KCNC2: variants seen among roughly 807,000 people sequenced by gnomAD.
The protein encoded by KCNC2 is voltage-gated potassium channel KCNC2.
A neutral mutation model predicts 44.5 loss-of-function variants in KCNC2; 21 were observed. The observed-to-expected ratio is 0.47, with a 90% CI of 0.33 to 0.68. The LOEUF (loss-of-function observed/expected upper bound fraction) is 0.68. KCNC2 is among the 30% of genes least tolerant of loss of function. KCNC2 has a pLI of 0.01. For missense variants in KCNC2, 589 were observed against 826.2 expected (o/e 0.71, Z 3.52); for synonymous variants, 391 against 339.1 (o/e 1.15, Z -1.68).
intron 2 of KCNC2, among the ~76,000 whole-genome samples, chr12:75,149,836 T>G (rs1209350714): frequency 6.6e-6 from 1 of 151,872 alleles, no homozygotes; most frequent in Admixed American, 6.6e-5. Context: ...ATCTTCTTAC[T>G]CAAATCTTGG....
intron 2 of KCNC2, among the ~76,000 whole-genome samples, chr12:75,194,859 T>C (rs372701764): frequency 1.3e-5 from 2 of 152,308 alleles, no homozygotes; most frequent in East Asian, 3.9e-4. Flanking sequence ...GAAAATGGTG[T>C]GGTATATATG....
intron 2 of KCNC2, among the ~76,000 whole-genome samples, chr12:75,176,097 C>T (rs907239866): frequency 5.1e-4 from 78 of 151,980 alleles, no homozygotes; most frequent in African/African-American, 1.8e-3. Flanking sequence ...GGCCAAAGAC[C>T]AAAAAGTACA....
At chr12:75,173,346 C>G (rs1891960515) in intron 2 of KCNC2, among the ~76,000 whole-genome samples, 1 of 151,876 alleles carries the variant, frequency 6.6e-6, no homozygotes, top group Non-Finnish European at 1.5e-5. Flanking sequence ...GTTCTGAGAG[C>G]TAATCTAAAG....
At chr12:75,154,367 G>C (rs1182687217) in intron 2 of KCNC2, among the ~76,000 whole-genome samples, 1 of 152,010 alleles carries the variant, frequency 6.6e-6, no homozygotes, top group Non-Finnish European at 1.5e-5. Context: ...GTGAGCAGCT[G>C]AGATTTAGGA....
chr12:75,050,082 G>T (rs1403641237), intron 3 of KCNC2, among the ~76,000 whole-genome samples: 2 of 151,938 alleles, frequency 1.3e-5, no homozygotes, highest in African/African-American at 2.4e-5. Context: ...ACATCGTGCA[G>T]GGAAACAAAG....
chr12:75,048,034 A>G, intron 4 of KCNC2, 119 bp downstream of exon 4: 2 of 836,420 alleles, frequency 2.4e-6, no homozygotes, highest in Admixed American at 2.4e-5. Context: ...AAGAGAGGAA[A>G]AGAGCACTGT....
intron 2 of KCNC2, among the ~76,000 whole-genome samples, chr12:75,119,885 G>A (rs1311309242): frequency 6.6e-6 from 1 of 152,160 alleles, no homozygotes; most frequent in African/African-American, 2.4e-5. Context: ...AGAAACAGAT[G>A]ACCCTTTCAA....
intron 2 of KCNC2, among the ~76,000 whole-genome samples, chr12:75,080,151 G>T (rs918224579): frequency 2.0e-5 from 3 of 151,936 alleles, no homozygotes; most frequent in African/African-American, 4.8e-5. Flanking sequence ...CATGATCAGT[G>T]CTGTTGGCAA....
intron 2 of KCNC2, among the ~76,000 whole-genome samples, chr12:75,201,601 G>T (rs913284753): frequency 2.0e-5 from 3 of 151,704 alleles, no homozygotes; most frequent in African/African-American, 7.3e-5. Flanking sequence ...CTCAATTCAG[G>T]CATTTTTCAA....
At chr12:75,110,736 A>G (rs76462280) in intron 2 of KCNC2, among the ~76,000 whole-genome samples, 1,611 of 152,184 alleles carry the variant, frequency 0.011, 24 homozygotes, top group African/African-American at 0.037. Context: ...ATTTAATTAT[A>G]AAATACTTTC....
At chr12:75,177,360 G>A (rs1484107069) in intron 2 of KCNC2, among the ~76,000 whole-genome samples, 1 of 151,868 alleles carries the variant, frequency 6.6e-6, no homozygotes, top group East Asian at 1.9e-4. Flanking sequence ...GTTTTAAATT[G>A]TTTAAGTAAA....
intron 2 of KCNC2, among the ~76,000 whole-genome samples, chr12:75,065,216 T>C (rs1425167595): frequency 6.6e-6 from 1 of 152,014 alleles, no homozygotes; most frequent in African/African-American, 2.4e-5. Flanking sequence ...ATTTCAAGGG[T>C]AACACAAGAC....
intron 2 of KCNC2, among the ~76,000 whole-genome samples, chr12:75,160,227 G>C (rs543775512): frequency 3.4e-4 from 51 of 151,916 alleles, no homozygotes; most frequent in Middle Eastern, 6.8e-3. Context: ...GAATGGACAT[G>C]TACAGAGGAA....
At chr12:75,141,740 G>C (rs886917421) in intron 2 of KCNC2, among the ~76,000 whole-genome samples, 4 of 152,174 alleles carry the variant, frequency 2.6e-5, no homozygotes, top group African/African-American at 9.6e-5. Flanking sequence ...ATGTGGTCCT[G>C]AGACTGGGTT....
intron 2 of KCNC2, among the ~76,000 whole-genome samples, chr12:75,073,516 T>C (rs967315535): frequency 6.6e-6 from 1 of 152,182 alleles, no homozygotes; most frequent in Non-Finnish European, 1.5e-5. Flanking sequence ...ACTTCTTCTA[T>C]ACAGTTGCAA....
At chr12:75,129,182 G>T (rs528019696) in intron 2 of KCNC2, among the ~76,000 whole-genome samples, 6 of 152,256 alleles carry the variant, frequency 3.9e-5, no homozygotes, top group Non-Finnish European at 8.8e-5. Flanking sequence ...CAAAGGAACA[G>T]TGGCAGATCA....
intron 2 of KCNC2, among the ~76,000 whole-genome samples, chr12:75,202,624 A>C (rs2031375607): frequency 6.6e-6 from 1 of 151,822 alleles, no homozygotes; most frequent in African/African-American, 2.4e-5. Context: ...TGGTATAAGT[A>C]CAGTCTTCAT....
chr12:75,084,254 TGATA>T (rs977643266), intron 2 of KCNC2, among the ~76,000 whole-genome samples: 8 of 138,346 alleles, frequency 5.8e-5, no homozygotes, highest in African/African-American at 1.4e-4. Flanking sequence ...TAGATGATGA[TGATA>T]GATAGATAGA....
rs1448321071 is a variant in KCNC2 at position 75,135,296 on chromosome 12, C to T, written c.687+72001G>A. 4.6e-5 allele frequency among the ~76,000 whole-genome samples: 7 copies of T among 151,390 alleles called. No homozygotes were observed. The South Asian group carries it at 1.2e-3, about 27-fold the overall frequency. On this transcript the variant is annotated intron_variant, in intron 2 of 4. Transcript: ENST00000549446. ...ACTGAATCCCTGACCATCACAAGTT[C>T]ACAGCTCTGTGTGAATGTGATAATG...
Sources: gnomAD v4.1 joint callset for allele counts (sites outside exome capture counted in the v4.1 genomes callset) on GRCh38, gnomAD v4.1.1 for gene constraint, MANE v1.5 for transcripts, NCBI Gene and HGNC (gene_info 2026-07-23, HGNC 2026-07-21) for gene names.